The following FNIP1 variants were observed in gnomAD, a reference collection of about 807,000 sequenced individuals.
FNIP1 encodes the protein folliculin-interacting protein 1.
Under a neutral mutation model 124.5 loss-of-function variants are expected in FNIP1, and 40 were observed. The observed-to-expected ratio is 0.32, with a 90% CI of 0.25 to 0.42. The LOEUF is 0.42. FNIP1 is among the 10% of genes least tolerant of loss of function. The pLI is 1.00. For missense variants in FNIP1, 1,176 were observed against 1,403.7 expected (o/e 0.84, Z 2.59); for synonymous variants, 472 against 470.6 (o/e 1.00, Z -0.04).
At position 131,730,640 on chromosome 5, in the gene FNIP1, AAG is replaced by A. The variant is rs140549289; in HGVS notation, c.354+262_354+263del. The stretch of plus-strand genomic sequence containing the variant: ...TCAATAATAAAAAAGTATGTAAAAT[AAG>A]AAATTATTCTGATAACCCAATAAAT... On this transcript the variant is annotated intron_variant, in intron 3 of 17. Coordinates refer to ENST00000510461, the MANE Select transcript of FNIP1 (RefSeq NM_133372.3). 5.1e-3 allele frequency among the ~76,000 whole-genome samples: 770 copies of A among 152,358 alleles called. 4 individuals are homozygous for A. Among genetic ancestry groups the A allele is most frequent in the African/African-American group, 0.017 (705 of 41,582 alleles).
At chr5:131,734,397 T>C (rs1267646460) in intron 2 of FNIP1, among the ~76,000 whole-genome samples, 1 of 152,088 alleles carries the variant, frequency 6.6e-6, no homozygotes, top group Non-Finnish European at 1.5e-5. Context: ...CTTGCTTCTC[T>C]AGTTCTTTTA....
chr5:131,663,979 A>C (rs549977314), intron 15 of FNIP1, among the ~76,000 whole-genome samples: 1 of 152,078 alleles, frequency 6.6e-6, no homozygotes, highest in East Asian at 1.9e-4. Flanking sequence ...AGAGGGTTTT[A>C]ACAATTGTCT....
chr5:131,751,454 T>C (rs1366677929), intron 1 of FNIP1, among the ~76,000 whole-genome samples: 1 of 152,092 alleles, frequency 6.6e-6, no homozygotes, highest in Non-Finnish European at 1.5e-5. Context: ...AGGGAAGATC[T>C]TATTCATCTT....
intron 17 of FNIP1, 58 bp from the exon 18 acceptor site, chr5:131,644,821 C>G: frequency 6.5e-7 from 1 of 1,542,828 alleles, no homozygotes; most frequent in Non-Finnish European, 8.9e-7. Context: ...GACATGAACT[C>G]TACAGGCAAT....
chr5:131,709,323 G>C, intron 7 of FNIP1, 51 bp from the exon 8 acceptor site: 1 of 1,450,000 alleles, frequency 6.9e-7, no homozygotes, highest in Non-Finnish European at 9.7e-7. Context: ...CTATTCAGGT[G>C]GATGAACAGC....
intron 5 of FNIP1, among the ~76,000 whole-genome samples, 164 bp from the exon 6 acceptor site, chr5:131,716,820 T>C (rs1304257555): frequency 6.6e-6 from 1 of 152,184 alleles, no homozygotes; most frequent in African/African-American, 2.4e-5. Context: ...AACTATAGCC[T>C]GGAGTGCCAG....
At chr5:131,655,968 A>C (rs1412174601) in intron 15 of FNIP1, among the ~76,000 whole-genome samples, 1 of 151,774 alleles carries the variant, frequency 6.6e-6, no homozygotes, top group Non-Finnish European at 1.5e-5. Context: ...CTCTTTTGGG[A>C]GGCTAAGGCA....
chr5:131,649,637 G>A (rs1028452993), intron 16 of FNIP1, among the ~76,000 whole-genome samples: 1 of 151,998 alleles, frequency 6.6e-6, no homozygotes, highest in Non-Finnish European at 1.5e-5. Context: ...ATAAACAAAA[G>A]TTTTTAATTT....
At chr5:131,712,057 C>T (rs1769310042) in intron 6 of FNIP1, among the ~76,000 whole-genome samples, 4 of 152,138 alleles carry the variant, frequency 2.6e-5, no homozygotes, top group Admixed American at 6.5e-5. Context: ...CAGATTGGAA[C>T]CCTTTTTTTT....
At chr5:131,778,382 A>T (rs1299017797) in intron 1 of FNIP1, among the ~76,000 whole-genome samples, 1 of 152,220 alleles carries the variant, frequency 6.6e-6, no homozygotes, top group East Asian at 1.9e-4. Flanking sequence ...GCAGCCAAAA[A>T]ACACATGAAA....
intron 15 of FNIP1, among the ~76,000 whole-genome samples, chr5:131,654,211 G>A (rs536442685): frequency 1.3e-5 from 2 of 152,314 alleles, no homozygotes; most frequent in Admixed American, 1.3e-4. Context: ...TGACAATTAA[G>A]TACAGAGCAT....
chr5:131,787,750 G>A (rs1232398041), intron 1 of FNIP1, among the ~76,000 whole-genome samples: 1 of 152,156 alleles, frequency 6.6e-6, no homozygotes, highest in East Asian at 1.9e-4. Flanking sequence ...AATCCTCATT[G>A]CTTAATGAGG....
chr5:131,692,825 T>A (rs939324171), intron 11 of FNIP1, among the ~76,000 whole-genome samples: 1 of 151,792 alleles, frequency 6.6e-6, no homozygotes, highest in East Asian at 1.9e-4. Flanking sequence ...CTGGCCAACA[T>A]GACAAAACCC....
At chr5:131,739,427 C>T (rs755907624) in intron 2 of FNIP1, among the ~76,000 whole-genome samples, 1 of 152,072 alleles carries the variant, frequency 6.6e-6, no homozygotes, top group Non-Finnish European at 1.5e-5. Context: ...TAAGATGATG[C>T]CTTAATCATA....
rs1447162144 is a variant in FNIP1 at position 131,709,191 on chromosome 5, G to A, written c.778+10C>T. On this transcript the variant is annotated intron_variant, in intron 8 of 17. Transcript: ENST00000510461. ...CTCATAAAAAACTGAATACAAGAAC[G>A]TGACATTACCAGACCGTGCTATGCC... 3.7e-6 allele frequency: 6 copies of A among 1,610,304 alleles called. No individual in the cohort carries two copies. The highest frequency in any genetic ancestry group is 3.3e-5 in the Admixed American group (2 of 59,766).
Position 131,754,518 on chromosome 5 carries a change from G to C in FNIP1, c.93-9828C>G, listed in dbSNP as rs116392409. On this transcript the variant is annotated intron_variant, in intron 1 of 17. Coordinates refer to ENST00000510461, the MANE Select transcript of FNIP1 (RefSeq NM_133372.3). ...ATCTAAATCATTGTGTATGGCCTTGGCCTATTGAGTAGGAAGTGATACTTC... is the reference window on the plus strand; with the variant it reads ...ATCTAAATCATTGTGTATGGCCTTGCCCTATTGAGTAGGAAGTGATACTTC... Among the ~76,000 whole-genome samples, 778 of 152,364 alleles carry C rather than the reference G, an allele frequency of 5.1e-3. 4 individuals are homozygous for C. The highest frequency in any genetic ancestry group is 0.017 in the African/African-American group (713 of 41,580).
intron 15 of FNIP1, among the ~76,000 whole-genome samples, chr5:131,669,946 G>A (rs1013660281): frequency 6.6e-6 from 1 of 150,570 alleles, no homozygotes; most frequent in African/African-American, 2.4e-5. Flanking sequence ...TGGGGGCAGC[G>A]GGGACAAAAG....
intron 15 of FNIP1, among the ~76,000 whole-genome samples, chr5:131,661,740 G>C (rs1465823269): frequency 6.6e-6 from 1 of 152,136 alleles, no homozygotes; most frequent in African/African-American, 2.4e-5. Context: ...GGGCAGCTGA[G>C]GGAAAGGGAA....
chr5:131,704,170 T>C lies in FNIP1; in HGVS notation c.1011A>G (p.Ser337=), dbSNP rs770042433. Residue 337 remains serine, a synonymous_variant, in exon 10 of 18, where the codon TCA becomes TCG. Coordinates refer to ENST00000510461, the MANE Select transcript of FNIP1 (RefSeq NM_133372.3). ...KKKIAIGVIF[S]LSKDEDENNK... ...TATTTTCATCTTCATCTTTGGACAA[T>C]GAAAAGATTACCCCAATTGCAATCT... 1 of 1,613,436 alleles carries C rather than the reference T, an allele frequency of 6.2e-7. No homozygotes were observed. Among genetic ancestry groups the C allele is most frequent in the East Asian group, 2.2e-5 (1 of 44,788 alleles).
Sources: gnomAD v4.1 joint callset for allele counts (sites outside exome capture counted in the v4.1 genomes callset) on GRCh38, gnomAD v4.1.1 for gene constraint, MANE v1.5 for transcripts, NCBI Gene and HGNC (gene_info 2026-07-23, HGNC 2026-07-21) for gene names.